The following PCF11 variants were observed in gnomAD, a reference collection of about 807,000 sequenced individuals.
PCF11 encodes the protein pre-mRNA cleavage complex 2 protein Pcf11.
PCF11 carries 19 observed loss-of-function variants against 166.1 expected under a neutral mutation model. The ratio of observed to expected loss-of-function variants is 0.11; its 90% CI spans 0.08 to 0.17. The LOEUF (loss-of-function observed/expected upper bound fraction) is 0.17. Ranked by LOEUF, PCF11 falls within the 10% of genes least tolerant of loss-of-function variation. The probability of loss-of-function intolerance (pLI) is 1.00; values close to 1 mark genes in which losing one functional copy is unlikely to be tolerated. For synonymous variants in PCF11, 663 were observed against 644.1 expected (o/e 1.03, Z -0.44); for missense variants, 1,565 against 1,855.5 (o/e 0.84, Z 2.88).
Position 83,165,684 on chromosome 11 carries a change from C to A in PCF11, c.787C>A (p.Pro263Thr), listed in dbSNP as rs57047054. 21,073 of 1,613,446 alleles carry A rather than the reference C, an allele frequency of 0.013. 2,282 individuals are homozygous for A. The African/African-American group carries it at 0.24, about 18-fold the overall frequency. Reference sequence around the variant, plus strand: ...CAAATTACATGTTTCACAGATTCCCCCTATGGCAGTTAAAGCTCCTCATCA... The same window carrying A: ...CAAATTACATGTTTCACAGATTCCCACTATGGCAGTTAAAGCTCCTCATCA... The change falls in exon 5 of 16, where the codon CCT (proline) becomes ACT (threonine). Residue 263 changes from proline to threonine, a missense_variant. Physicochemically the swap from Pro to Thr is conservative, Grantham distance 38 (BLOSUM62 -1). This residue lies in a region of PCF11 where 468 missense variants were observed against 483.4 expected (regional missense o/e 0.97). Coordinates refer to ENST00000298281, the Ensembl canonical transcript of PCF11.
chr11:83,182,532 T>G, intron 14 of PCF11, 41 bp downstream of exon 14: 1 of 1,001,188 alleles, frequency 1.0e-6, no homozygotes, highest in South Asian at 1.4e-5. Flanking sequence ...AAGATTAGTG[T>G]TTTTTTGTTG....
In PCF11 at chr11:83,171,805, G is replaced by A; in HGVS notation, c.3661-13G>A. Reference sequence around the variant, plus strand: ...TAGAAAGCATGTTCTTAAAATTAAGGTTTTTCTTAAAGGTTCTGAGTGGTG... The same window carrying A: ...TAGAAAGCATGTTCTTAAAATTAAGATTTTTCTTAAAGGTTCTGAGTGGTG... On this transcript the variant is annotated splice_polypyrimidine_tract_variant and intron_variant, in intron 8 of 15. Coordinates refer to ENST00000298281, the Ensembl canonical transcript of PCF11. 3 of 1,437,710 alleles carry A rather than the reference G, an allele frequency of 2.1e-6. No individual in the cohort carries two copies. Among genetic ancestry groups the A allele is most frequent in the Middle Eastern group, 1.7e-4 (1 of 5,718 alleles). The allele number at this position is 1,437,710 out of a possible 1,614,324, so 89.1% of individuals were successfully genotyped here. A position where few individuals can be genotyped will look rare whatever the true frequency, so the allele number is the denominator to read the frequency against.
In PCF11 at chr11:83,166,672, A is replaced by C; in HGVS notation, c.1775A>C (p.Lys592Thr). The C allele has an allele frequency of 1.3e-6, 2 of 1,599,218 alleles. No homozygotes were observed. The highest frequency in any genetic ancestry group is 1.7e-6 in the Non-Finnish European group (2 of 1,176,364). Residue 592 changes from lysine to threonine, a missense_variant, in exon 5 of 16, where the codon AAG becomes ACG. Lys to Thr is a moderately conservative substitution (Grantham distance 78). This residue lies in a region of PCF11 where 468 missense variants were observed against 483.4 expected (regional missense o/e 0.97). Transcript: ENST00000298281. ...AATGTAGAAAACTGGCAAAGTTCCA[A>C]GTCTGCCAAAAGATGGAAATCTGGT...
exon 16 of PCF11, chr11:83,187,259 C>T (rs566323): frequency 0.43 from 65,134 of 151,944 alleles, 16,431 homozygotes; most frequent in African/African-American, 0.7. Flanking sequence ...GGTTTCACCA[C>T]GTTGGCCAGG....
At chr11:83,181,822 G>A in intron 12 of PCF11, 32 bp from the exon 13 acceptor site, 1 of 1,508,080 alleles carries the variant, frequency 6.6e-7, no homozygotes, top group Non-Finnish European at 8.9e-7. Flanking sequence ...GAAATAAATG[G>A]AATAATCTTT....
exon 16 of PCF11, chr11:83,184,682 T>A (rs781263431): frequency 6.2e-7 from 1 of 1,607,834 alleles, no homozygotes; most frequent in Admixed American, 1.7e-5. Flanking sequence ...TTTGTAGACA[T>A]CTTCATTTGA....
intron 2 of PCF11, among the ~76,000 whole-genome samples, chr11:83,163,025 C>G (rs1205842475): frequency 1.3e-5 from 2 of 152,220 alleles, no homozygotes; most frequent in Non-Finnish European, 1.5e-5. Context: ...CCTGCCTCGG[C>G]CTCTCAAAGT....
At chr11:83,177,279 A>AT (rs1860920567) in intron 10 of PCF11, 75 bp downstream of exon 10, 1 of 1,104,236 alleles carries the variant, frequency 9.1e-7, no homozygotes, top group Non-Finnish European at 1.2e-6. Flanking sequence ...ATATAATGAT[A>AT]TAAGTTATGA....
rs143280571 is a variant in PCF11 at position 83,163,260 on chromosome 11, T to C, written c.319-419T>C. On this transcript the variant is annotated intron_variant, in intron 2 of 15. Coordinates refer to ENST00000298281, the Ensembl canonical transcript of PCF11. Reference sequence around the variant, plus strand: ...GCATTAGTTAGTGAGATAGTTTTGCTTTAATTTTAACTTTGTACTACTATG... The same window carrying C: ...GCATTAGTTAGTGAGATAGTTTTGCCTTAATTTTAACTTTGTACTACTATG... Among the ~76,000 whole-genome samples the C allele has an allele frequency of 9.8e-3, 1,487 of 152,370 alleles. 27 individuals carry two copies. The highest frequency in any genetic ancestry group is 0.034 in the African/African-American group (1,420 of 41,586).
chr11:83,160,818 T>C (rs1429337121), intron 1 of PCF11, among the ~76,000 whole-genome samples: 2 of 152,200 alleles, frequency 1.3e-5, no homozygotes, highest in East Asian at 3.9e-4. Context: ...TTAATTTTTG[T>C]TCATTTGGAT....
rs200566388 is a variant in PCF11 at position 83,169,605 on chromosome 11, A to G, written c.3270A>G (p.Val1090=). 1.3e-4 allele frequency: 217 copies of G among 1,613,956 alleles called. 1 individual carries two copies. In the African/African-American group the frequency reaches 2.7e-3, roughly 20 times the overall value. ...AGGTTCAACCCAGATTTGACGGTGT[A>G]CCTCAAAGATTTGATGGTCCACAAC... Residue 1090 remains valine, a synonymous_variant, in exon 8 of 16, where the codon GTA becomes GTG. Transcript: ENST00000298281.
intron 1 of PCF11, chr11:83,158,632 A>G (rs1860103240): frequency 6.6e-6 from 1 of 152,190 alleles, no homozygotes; most frequent in Non-Finnish European, 1.5e-5. Context: ...TCCCAGTGCT[A>G]CATTTTATTT....
Position 83,184,878 on chromosome 11 carries a change from C to G in PCF11, c.4652C>G (p.Thr1551Arg), listed in dbSNP as rs905497834. The change falls in exon 16 of 16, where the codon ACA becomes AGA. Residue 1551 changes from threonine to arginine, a missense_variant. Thr to Arg is a moderately conservative substitution (Grantham distance 71). This residue lies in a region of PCF11 where 99 missense variants were observed against 89.1 expected (regional missense o/e 1.11). Coordinates refer to ENST00000298281, the Ensembl canonical transcript of PCF11. ...TCTGAAATTAAAACAGAAAATGACACAGTCGAGTCAGTTTAAATAAAATGA... is the reference window on the plus strand; with the variant it reads ...TCTGAAATTAAAACAGAAAATGACAGAGTCGAGTCAGTTTAAATAAAATGA... 1.9e-6 allele frequency: 3 copies of G among 1,556,172 alleles called. No homozygotes were observed. The African/African-American group carries it at 4.2e-5, about 22-fold the overall frequency.
At chr11:83,162,633 T>C (rs2135418139) in intron 2 of PCF11, among the ~76,000 whole-genome samples, 2 of 152,356 alleles carry the variant, frequency 1.3e-5, no homozygotes, top group Non-Finnish European at 2.9e-5. Context: ...AACATGACAG[T>C]TGATTAAAAT....
chr11:83,160,020 G>GT (rs1239748819), intron 1 of PCF11, among the ~76,000 whole-genome samples: 1 of 152,196 alleles, frequency 6.6e-6, no homozygotes, highest in Non-Finnish European at 1.5e-5. Context: ...CATTTGACAT[G>GT]TTCGTACTTA....
chr11:83,167,463 G>A lies in PCF11; in HGVS notation c.2050G>A (p.Val684Ile), dbSNP rs373504788. The change falls in exon 7 of 16, where the codon GTT becomes ATT. Residue 684 changes from valine (V) to isoleucine (I), a missense_variant. Physicochemically the swap from Val to Ile is conservative, Grantham distance 29 (BLOSUM62 3). Transcript: ENST00000298281. The surrounding 1 kb of genome is among the most constrained non-coding windows in gnomAD (Gnocchi z 4.2). ...TGAAATTACACAGGATGACTTCCTT[G>A]TTGTTGTGCATCAAATTCGACAGCT... The A allele has an allele frequency of 6.2e-7, 1 of 1,610,950 alleles. No homozygotes were observed. The highest frequency in any genetic ancestry group is 8.5e-7 in the Non-Finnish European group (1 of 1,178,692).
chr11:83,187,032 T>C (rs541590449), exon 16 of PCF11: 2 of 143,946 alleles, frequency 1.4e-5, no homozygotes, highest in Non-Finnish European at 3.1e-5. Flanking sequence ...AATGGGAAAA[T>C]TTTTTTTTTT....
At chr11:83,183,011 T>G in intron 14 of PCF11, 27 bp from the exon 15 acceptor site, 1 of 1,249,524 alleles carries the variant, frequency 8.0e-7, no homozygotes, top group Non-Finnish European at 1.1e-6. Flanking sequence ...AATACGCACA[T>G]ATTTACTTTT....
intron 4 of PCF11, among the ~76,000 whole-genome samples, chr11:83,164,768 T>G (rs2135421122): frequency 6.6e-6 from 1 of 151,758 alleles, no homozygotes; most frequent in Non-Finnish European, 1.5e-5. Flanking sequence ...TCCCAGCTAC[T>G]CGAGAGGCTG....
Sources: allele counts gnomAD v4.1 joint callset (sites outside exome capture counted in the v4.1 genomes callset), GRCh38; gene constraint gnomAD v4.1.1; regional missense constraint gnomAD v4.1.1; non-coding constraint Gnocchi (gnomAD v3.1); transcripts MANE v1.5; gene names NCBI Gene and HGNC (gene_info 2026-07-23, HGNC 2026-07-21).